The following PTPN22 variants were observed in gnomAD, a reference collection of about 807,000 sequenced individuals.
PTPN22 encodes protein tyrosine phosphatase non-receptor type 22.
PTPN22 carries 85 observed loss-of-function variants against 103.3 expected under a neutral mutation model. That is an observed-to-expected ratio of 0.82 (90% CI 0.69 to 0.99). The LOEUF is 0.99. Among genes scored for constraint, PTPN22 ranks in the 50% least tolerant of loss-of-function variants. The pLI is 0.00. For synonymous variants in PTPN22, 323 were observed against 310.2 expected (o/e 1.04, Z -0.43); for missense variants, 865 against 936.9 (o/e 0.92, Z 1.00).
intron 11 of PTPN22, among the ~76,000 whole-genome samples, chr1:113,840,109 G>A (rs1663413115): frequency 6.6e-6 from 1 of 151,782 alleles, no homozygotes; most frequent in East Asian, 1.9e-4. Context: ...TATTCGGGAG[G>A]CTGAAGCAGG....
chr1:113,841,228 G>C (rs941355948), intron 11 of PTPN22, among the ~76,000 whole-genome samples: 1 of 146,410 alleles, frequency 6.8e-6, no homozygotes, highest in Non-Finnish European at 1.5e-5. Context: ...CCATCTCAAA[G>C]GAAAAAAAAA....
At chr1:113,849,489 A>G (rs1664359769) in intron 10 of PTPN22, among the ~76,000 whole-genome samples, 1 of 152,226 alleles carries the variant, frequency 6.6e-6, no homozygotes, top group South Asian at 2.1e-4. Context: ...ATTTCTGTAC[A>G]AATAAAGAAC....
chr1:113,853,646 GC>G (rs971940003), intron 9 of PTPN22, among the ~76,000 whole-genome samples: 1 of 151,434 alleles, frequency 6.6e-6, no homozygotes, highest in Non-Finnish European at 1.5e-5. Context: ...ACCATGCCCG[GC>G]CAAAAATTTC....
chr1:113,836,628 G>A (rs1663041519), intron 13 of PTPN22, among the ~76,000 whole-genome samples: 1 of 152,098 alleles, frequency 6.6e-6, no homozygotes, highest in Admixed American at 6.6e-5. Flanking sequence ...GCTTCTATAT[G>A]TTAAGAGTAA....
Position 113,858,994 on chromosome 1 carries a change from C to T in PTPN22, c.273+8G>A. The T allele has an allele frequency of 6.2e-7, 1 of 1,612,478 alleles. No homozygotes were observed. Among genetic ancestry groups the T allele is most frequent in the Non-Finnish European group, 8.5e-7 (1 of 1,179,346 alleles). On this transcript the variant is annotated splice_region_variant and intron_variant, in intron 3 of 20. Transcript: ENST00000359785. The stretch of plus-strand genomic sequence containing the variant: ...AATATGGAATGCTTTTATTTTCTTT[C>T]ACTGTACCTTAATGAAGTTGGCATT...
At chr1:113,834,581 C>CAGGG in intron 14 of PTPN22, 142 bp from the exon 15 acceptor site, 6 of 971,826 alleles carry the variant, frequency 6.2e-6, no homozygotes, top group Non-Finnish European at 9.2e-6. Flanking sequence ...TTTTTTGAGA[C>CAGGG]AGGGTCTTGC....
chr1:113,838,414 C>T lies in PTPN22; in HGVS notation c.993-7G>A, dbSNP rs1446446476. ...TTTTGCTGCTTTTGTGGTACTAAAA[C>T]AAAAAGAAAGCGTAATGATGACACC... On this transcript the variant is annotated splice_region_variant and splice_polypyrimidine_tract_variant and intron_variant, in intron 12 of 20. Transcript: ENST00000359785. The T allele has an allele frequency of 6.3e-7, 1 of 1,581,104 alleles. No individual in the cohort carries two copies. The highest frequency in any genetic ancestry group is 8.6e-7 in the Non-Finnish European group (1 of 1,166,216).
rs566276043 is a variant in PTPN22, at chr1:113,862,406, A to AT, written c.88-2947dup. On this transcript the variant is annotated intron_variant, in intron 1 of 20. Coordinates refer to ENST00000359785, the Ensembl canonical transcript of PTPN22. ...GATTCTGTGTGTGCTTGATAAGCTA[A>AT]TAGTAAGTTCATTTGGTTTGTAGAT... 3.9e-5 allele frequency among the ~76,000 whole-genome samples: 6 copies of AT among 152,320 alleles called. No homozygotes were observed. The South Asian group carries it at 1.2e-3, about 32-fold the overall frequency.
intron 4 of PTPN22, chr1:113,858,016 G>A (rs558907095): frequency 1.8e-5 from 6 of 324,838 alleles, no homozygotes; most frequent in Non-Finnish European, 3.4e-5. Context: ...AGCCTGTCAA[G>A]GTAAGAACTT....
intron 11 of PTPN22, among the ~76,000 whole-genome samples, chr1:113,841,012 G>T (rs1663496357): frequency 6.6e-6 from 1 of 152,126 alleles, no homozygotes; most frequent in Non-Finnish European, 1.5e-5. Context: ...ATCACCTGAG[G>T]TCAGGAGTTT....
At chr1:113,826,397 GGGGAAGGGAAGGGAAGGGAAGGGAA>G (rs377642114) in intron 18 of PTPN22, among the ~76,000 whole-genome samples, 6 of 123,016 alleles carry the variant, frequency 4.9e-5, no homozygotes, top group Non-Finnish European at 8.3e-5. Context: ...GAAGGGAGAA[GGGGAAGGGAAGGGAAGGGAAGGGAA>G]GGGAAGGGAA....
At chr1:113,851,672 A>G (rs1272998724) in intron 10 of PTPN22, among the ~76,000 whole-genome samples, 1 of 152,198 alleles carries the variant, frequency 6.6e-6, no homozygotes, top group Non-Finnish European at 1.5e-5. Context: ...TTCAGAGATG[A>G]ATTTTATCAC....
At chr1:113,852,332 G>A (rs538816323) in intron 9 of PTPN22, among the ~76,000 whole-genome samples, 3 of 152,042 alleles carry the variant, frequency 2.0e-5, no homozygotes, top group Non-Finnish European at 2.9e-5. Context: ...GATTTCACAC[G>A]GTATAACCAA....
At chr1:113,870,652 C>T (rs1666499423) in intron 1 of PTPN22, among the ~76,000 whole-genome samples, 1 of 152,110 alleles carries the variant, frequency 6.6e-6, no homozygotes, top group Admixed American at 6.5e-5. Flanking sequence ...TCCACTTCTC[C>T]AAGCAAAAGA....
chr1:113,826,961 G>T (rs562195323), intron 18 of PTPN22, among the ~76,000 whole-genome samples: 4 of 152,138 alleles, frequency 2.6e-5, no homozygotes, highest in South Asian at 4.2e-4. Flanking sequence ...GAGCCACCGC[G>T]CCCGGCCTGG....
intron 5 of PTPN22, 43 bp from the exon 6 acceptor site, chr1:113,856,662 C>G (rs1250134695): frequency 1.2e-6 from 2 of 1,613,160 alleles, no homozygotes; most frequent in Non-Finnish European, 1.7e-6. Context: ...TCCATATATT[C>G]TAGTCTTTTC....
At chr1:113,853,473 C>T (rs1664751335) in intron 9 of PTPN22, among the ~76,000 whole-genome samples, 1 of 150,322 alleles carries the variant, frequency 6.7e-6, no homozygotes, top group Admixed American at 6.6e-5. Context: ...GTCTCAGCCT[C>T]CCGAGTAGCT....
rs144417490 is a variant in PTPN22, at chr1:113,819,656, T to C, written c.2282-2A>G. The C allele has an allele frequency of 3.2e-6, 5 of 1,584,754 alleles. No individual in the cohort carries two copies. The African/African-American group carries it at 6.7e-5, about 21-fold the overall frequency. ...TTGGTGGGCAAGAATTACAGATACC[T>C]AGAATCAAAAGAAAAAAATATAAGG... On this transcript the variant is annotated splice_acceptor_variant, in intron 19 of 20. Coordinates refer to ENST00000359785, the Ensembl canonical transcript of PTPN22. LOFTEE classifies it high-confidence loss of function.
At chr1:113,844,975 C>T (rs1205792564) in intron 11 of PTPN22, among the ~76,000 whole-genome samples, 3 of 152,030 alleles carry the variant, frequency 2.0e-5, no homozygotes, top group Non-Finnish European at 2.9e-5. Flanking sequence ...CATGCCATCA[C>T]ACCTGGCTGA....
Sources: gnomAD v4.1 joint callset for allele counts (sites outside exome capture counted in the v4.1 genomes callset) on GRCh38, gnomAD v4.1.1 for gene constraint, MANE v1.5 for transcripts, NCBI Gene and HGNC (gene_info 2026-07-23, HGNC 2026-07-21) for gene names.